USH1C: variants seen among roughly 807,000 people sequenced by gnomAD.
USH1C encodes harmonin.
A neutral mutation model predicts 119.3 loss-of-function variants in USH1C; 90 were observed. The ratio of observed to expected loss-of-function variants is 0.75; its 90% confidence interval spans 0.64 to 0.90. The LOEUF (loss-of-function observed/expected upper bound fraction) is 0.90, where lower values mean the gene tolerates loss of function less well. Ranked by LOEUF, USH1C falls within the 40% of genes least tolerant of loss-of-function variation. The probability of loss-of-function intolerance (pLI) is 0.00; values close to 1 mark genes in which losing one functional copy is unlikely to be tolerated. For synonymous variants in USH1C, 465 were observed against 443.3 expected (o/e 1.05, Z -0.62); for missense variants, 1,165 against 1,167.7 (o/e 1.00, Z 0.03).
chr11:17,538,668 C>T (rs1343968661), intron 1 of USH1C, among the ~76,000 whole-genome samples: 1 of 152,188 alleles, frequency 6.6e-6, no homozygotes, highest in Non-Finnish European at 1.5e-5. Flanking sequence ...CAGCCTTCTC[C>T]ACCCTGCCCT....
At position 17,510,485 on chromosome 11, in the gene USH1C, C is replaced by T. The variant is rs1485328129; in HGVS notation, c.1450G>A (p.Glu484Lys). ...ETEREDLEESEKIQYWVERLC... is the reference protein window; with the variant it reads ...ETEREDLEESKKIQYWVERLC... The stretch of plus-strand genomic sequence containing the variant: ...CTCTCCACCCAATATTGAATCTTTT[C>T]CGATTCTTCAAGGTCTTCCCGCTCT... Residue 484 changes from glutamate to lysine, a missense_variant, in exon 17 of 27, where the codon GAA becomes AAA. By Grantham distance (56) the Glu-to-Lys change is moderately conservative (BLOSUM62 1). Transcript: ENST00000005226. 1 of 1,613,918 alleles carries T rather than the reference C, an allele frequency of 6.2e-7. No individual in the cohort carries two copies. Among genetic ancestry groups the T allele is most frequent in the South Asian group, 1.1e-5 (1 of 91,040 alleles).
At chr11:17,533,573 G>A in intron 1 of USH1C, 3 of 611,574 alleles carry the variant, frequency 4.9e-6, no homozygotes, top group South Asian at 1.8e-5. Flanking sequence ...TTTGTCCCCA[G>A]GTGGGGCAAT....
chr11:17,530,882 G>C (rs376443937), intron 4 of USH1C, among the ~76,000 whole-genome samples: 1 of 152,194 alleles, frequency 6.6e-6, no homozygotes, highest in African/African-American at 2.4e-5. Context: ...TAGGGGAGGT[G>C]GGGGGAAGTG....
intron 16 of USH1C, among the ~76,000 whole-genome samples, chr11:17,511,392 A>G (rs887309079): frequency 1.3e-5 from 2 of 151,976 alleles, no homozygotes; most frequent in African/African-American, 4.8e-5. Flanking sequence ...AGTGATTCAG[A>G]CTCGTAGACA....
Position 17,533,363 on chromosome 11 carries a change from A to ACC in USH1C, c.37-43_37-42dup, listed in dbSNP as rs5789992. On this transcript the variant is annotated intron_variant, in intron 1 of 26. Transcript: ENST00000005226. ...GCAGAATCACAGCTCCAGGCTCAGC[A>ACC]CCCGCCCCCATAGCAGACCTCAGGG... The ACC allele has an allele frequency of 0.29, 388,163 of 1,324,894 alleles. 26,124 individuals carry two copies. The highest frequency in any genetic ancestry group is 0.3 in the Middle Eastern group (1,546 of 5,094). 82.1% of individuals were successfully genotyped at this position (1,324,894 alleles called of 1,614,324 possible). A position where few individuals can be genotyped will look rare whatever the true frequency, so the allele number is the denominator to read the frequency against.
chr11:17,499,192 C>G (rs1227855424), intron 23 of USH1C, among the ~76,000 whole-genome samples: 2 of 152,206 alleles, frequency 1.3e-5, no homozygotes, highest in East Asian at 3.8e-4. Context: ...TTCTCCCAGT[C>G]CTGATGTCCA....
At chr11:17,505,473 C>T (rs999423196) in intron 19 of USH1C, among the ~76,000 whole-genome samples, 9 of 152,326 alleles carry the variant, frequency 5.9e-5, no homozygotes, top group Non-Finnish European at 1.2e-4. Flanking sequence ...TCCCTTTCCT[C>T]GAGTGTTAAA....
intron 16 of USH1C, among the ~76,000 whole-genome samples, 165 bp downstream of exon 16, chr11:17,511,737 C>A (rs1021300137): frequency 2.6e-5 from 4 of 152,188 alleles, no homozygotes; most frequent in African/African-American, 7.2e-5. Flanking sequence ...TGGCCCTGGG[C>A]AGGTGGCATG....
At chr11:17,501,409 G>A (rs1849439403) in intron 22 of USH1C, 73 bp downstream of exon 22, 2 of 1,531,502 alleles carry the variant, frequency 1.3e-6, no homozygotes, top group East Asian at 2.3e-5. Context: ...TGAGAGTAGA[G>A]GCAGGAGACC....
chr11:17,533,161 T>G lies in USH1C; in HGVS notation c.104+94A>C, dbSNP rs1352895003. 6 of 922,096 alleles carry G rather than the reference T, an allele frequency of 6.5e-6. No individual in the cohort carries two copies. In the African/African-American group the frequency reaches 6.5e-5, roughly 10 times the overall value. The allele number at this position is 922,096 out of a possible 1,614,324, so 57.1% of individuals were successfully genotyped here. ...TTCCAGGAGCCGTGAGCATCCACCC[T>G]CTGAGCTCCTCTGTCTCAGAACAAC... On this transcript the variant is annotated intron_variant, in intron 2 of 26. Coordinates refer to ENST00000005226, the MANE Select transcript of USH1C (RefSeq NM_153676.4).
At chr11:17,533,408 G>A in intron 1 of USH1C, 86 bp from the exon 2 acceptor site, 1 of 974,178 alleles carries the variant, frequency 1.0e-6, no homozygotes, top group Admixed American at 1.7e-5. Context: ...CATCCCCAAG[G>A]GCCTCCCCAG....
chr11:17,517,296 C>A, intron 14 of USH1C: 2 of 1,188,756 alleles, frequency 1.7e-6, no homozygotes, highest in South Asian at 2.6e-5. Context: ...TATTGGCCCC[C>A]ACACATGCTG....
intron 6 of USH1C, 22 bp from the exon 7 acceptor site, chr11:17,526,832 T>C (rs933279844): frequency 1.9e-6 from 3 of 1,609,738 alleles, no homozygotes; most frequent in African/African-American, 2.7e-5. Flanking sequence ...GGAAAATAGA[T>C]GGGAGGGTGG....
At chr11:17,523,095 C>T in intron 11 of USH1C, 116 bp downstream of exon 11, 2 of 1,577,320 alleles carry the variant, frequency 1.3e-6, no homozygotes, top group South Asian at 1.1e-5. Context: ...TCGCTCTGCT[C>T]TGTCAGAGCT....
chr11:17,529,222 A>G (rs1242881360), intron 4 of USH1C, among the ~76,000 whole-genome samples: 2 of 152,274 alleles, frequency 1.3e-5, no homozygotes, highest in African/African-American at 4.8e-5. Context: ...TAGGTCTGGA[A>G]TATACAGCAA....
At position 17,521,022 on chromosome 11, in the gene USH1C, T is replaced by A. The variant is rs751960242; in HGVS notation, c.1086-28A>T. On this transcript the variant is annotated intron_variant, in intron 13 of 26. Transcript: ENST00000005226. ...AAAATGAGACCCCCATGCCTGTTAC[T>A]GGAGTCAGAACCCCCATAGGCCCAT... 3 of 1,613,748 alleles carry A rather than the reference T, an allele frequency of 1.9e-6. No homozygotes were observed. In the South Asian group the frequency reaches 3.3e-5, roughly 18 times the overall value.
chr11:17,531,142 CTGTT>C lies in USH1C; in HGVS notation c.387+8_387+11del, dbSNP rs1258477298. On this transcript the variant is annotated splice_region_variant and intron_variant, in intron 4 of 26. Coordinates refer to ENST00000005226, the MANE Select transcript of USH1C (RefSeq NM_153676.4). The surrounding 1 kb of genome is among the most constrained non-coding windows in gnomAD (Gnocchi z 4.2). ...GCCCTCGCTCCCCCTCCCCCGGACT[CTGTT>C]TGCTCACCTGGAGCCCGACGCTGTC... is the stretch of plus-strand genomic sequence containing the variant. 13 of 1,613,924 alleles carry C rather than the reference CTGTT, an allele frequency of 8.1e-6. No homozygotes were observed. The highest frequency in any genetic ancestry group is 3.3e-5 in the South Asian group (3 of 91,084).
At chr11:17,516,158 G>T in intron 15 of USH1C, 83 bp downstream of exon 15, 1 of 1,467,696 alleles carries the variant, frequency 6.8e-7, no homozygotes, top group Non-Finnish European at 9.5e-7. Flanking sequence ...ATTTAGTGTT[G>T]ATAGGACAAG....
chr11:17,534,866 T>C (rs1592031716), intron 1 of USH1C, among the ~76,000 whole-genome samples: 2 of 90,064 alleles, frequency 2.2e-5, no homozygotes, highest in Admixed American at 1.5e-4. Flanking sequence ...AGAGCGAGAC[T>C]CCATCTCAAA....
Sources: gnomAD v4.1 joint callset for allele counts (sites outside exome capture counted in the v4.1 genomes callset) on GRCh38, gnomAD v4.1.1 for gene constraint, Gnocchi (gnomAD v3.1) non-coding constraint, MANE v1.5 for transcripts, NCBI Gene and HGNC (gene_info 2026-07-23, HGNC 2026-07-21) for gene names.